KIF21A: variants seen among roughly 807,000 people sequenced by gnomAD.
KIF21A encodes kinesin family member 21A, also known as kinesin-like protein KIF21A.
In KIF21A, 114 loss-of-function variants were observed where a neutral mutation model predicts 202.9. The observed-to-expected ratio is 0.56, with a 90% CI of 0.48 to 0.66. The LOEUF is 0.66. Among genes scored for constraint, KIF21A ranks in the 30% least tolerant of loss-of-function variants. KIF21A has a pLI of 0.00. For missense variants in KIF21A, 1,677 were observed against 1,994.9 expected (o/e 0.84, Z 3.04); for synonymous variants, 667 against 670.8 (o/e 0.99, Z 0.09).
intron 31 of KIF21A, among the ~76,000 whole-genome samples, chr12:39,313,444 T>C (rs1944224685): frequency 6.6e-6 from 1 of 151,926 alleles, no homozygotes; most frequent in Non-Finnish European, 1.5e-5. Flanking sequence ...ACATTCACAA[T>C]ATATGTTGAC....
At chr12:39,355,045 C>A (rs11830643) in intron 10 of KIF21A, among the ~76,000 whole-genome samples, 50,977 of 151,912 alleles carry the variant, frequency 0.34, 10,692 homozygotes, top group African/African-American at 0.6. Context: ...TAATCCTGGC[C>A]TTCTAGAAGG....
chr12:39,364,873 A>C, intron 6 of KIF21A, among the ~76,000 whole-genome samples: 1 of 152,192 alleles, frequency 6.6e-6, no homozygotes. Context: ...GCCTTTGTAA[A>C]ACTAACAAAT....
chr12:39,401,129 A>G (rs1394847087), intron 1 of KIF21A, among the ~76,000 whole-genome samples: 1 of 152,232 alleles, frequency 6.6e-6, no homozygotes, highest in Non-Finnish European at 1.5e-5. Context: ...GAATACAGAC[A>G]TGTTCCTTTA....
intron 34 of KIF21A, among the ~76,000 whole-genome samples, chr12:39,306,424 G>A (rs1453058962): frequency 1.3e-5 from 2 of 151,988 alleles, no homozygotes; most frequent in African/African-American, 4.8e-5. Context: ...AAAAAGTACT[G>A]TTTTTAATTT....
At chr12:39,320,682 C>T (rs1945121593) in intron 27 of KIF21A, among the ~76,000 whole-genome samples, 1 of 149,872 alleles carries the variant, frequency 6.7e-6, no homozygotes, top group African/African-American at 2.4e-5. Flanking sequence ...CACCTGTAAT[C>T]CCAACACTTT....
chr12:39,356,019 G>A (rs1378074806), intron 10 of KIF21A, among the ~76,000 whole-genome samples: 1 of 152,020 alleles, frequency 6.6e-6, no homozygotes, highest in Non-Finnish European at 1.5e-5. Context: ...TTCTGCAAAT[G>A]GTAAGCAGAA....
chr12:39,365,248 T>C (rs1296684603), intron 6 of KIF21A, among the ~76,000 whole-genome samples: 2 of 152,238 alleles, frequency 1.3e-5, no homozygotes, highest in South Asian at 2.1e-4. Context: ...AACTCCAGTC[T>C]TCCATTTAGC....
chr12:39,296,243 G>T (rs140329490), intron 37 of KIF21A, among the ~76,000 whole-genome samples: 9,709 of 150,586 alleles, frequency 0.064, 1,024 homozygotes, highest in African/African-American at 0.22. Context: ...TAATTTTTTT[G>T]TATTTTTAGT....
intron 7 of KIF21A, among the ~76,000 whole-genome samples, chr12:39,359,654 A>T (rs1404352414): frequency 6.6e-6 from 1 of 152,200 alleles, no homozygotes. Flanking sequence ...TGCTGATTAG[A>T]GAATAGAGCA....
Position 39,318,249 on chromosome 12 carries a change from T to G in KIF21A, c.3780-48A>C, listed in dbSNP as rs764111619. 47 of 1,585,008 alleles carry G rather than the reference T, an allele frequency of 3.0e-5. No individual in the cohort carries two copies. The East Asian group carries it at 1.0e-3, about 35-fold the overall frequency. On this transcript the variant is annotated intron_variant, in intron 28 of 37. Coordinates refer to ENST00000361418, the MANE Select transcript of KIF21A (RefSeq NM_001173464.2). ...AGTAGGTGGCTTTAATTGGTTATGATTTGTTAGAAAAGTTATAAGAAACAT... is the reference window on the plus strand; with the variant it reads ...AGTAGGTGGCTTTAATTGGTTATGAGTTGTTAGAAAAGTTATAAGAAACAT...
intron 9 of KIF21A, 45 bp from the exon 10 acceptor site, chr12:39,356,940 C>G: frequency 1.1e-6 from 1 of 922,282 alleles, no homozygotes; most frequent in Admixed American, 1.9e-5. Flanking sequence ...TAAATTAAGA[C>G]TTCAACAAAA....
intron 1 of KIF21A, among the ~76,000 whole-genome samples, chr12:39,423,375 C>T (rs1379233500): frequency 6.6e-6 from 1 of 151,948 alleles, no homozygotes; most frequent in South Asian, 2.1e-4. Flanking sequence ...CTTCAAAACC[C>T]TTTATTGCTG....
chr12:39,325,808 A>G, intron 26 of KIF21A, 31 bp downstream of exon 26: 5 of 1,509,054 alleles, frequency 3.3e-6, no homozygotes, highest in Non-Finnish European at 3.7e-6. Flanking sequence ...GGTGTAAAAC[A>G]TGTTTACCTG....
At chr12:39,406,291 G>C (rs1952585157) in intron 1 of KIF21A, among the ~76,000 whole-genome samples, 1 of 152,096 alleles carries the variant, frequency 6.6e-6, no homozygotes, top group South Asian at 2.1e-4. Flanking sequence ...CTCCTTTGTG[G>C]GTAACTATAA....
intron 17 of KIF21A, among the ~76,000 whole-genome samples, chr12:39,335,410 CAAA>C (rs1033088626): frequency 4.8e-5 from 3 of 61,956 alleles, no homozygotes; most frequent in Non-Finnish European, 7.0e-5. Context: ...GACTCTGTCT[CAAA>C]AAAAAAAAAA....
At chr12:39,349,344 G>A (rs1180743705) in intron 11 of KIF21A, among the ~76,000 whole-genome samples, 1 of 152,064 alleles carries the variant, frequency 6.6e-6, no homozygotes, top group Non-Finnish European at 1.5e-5. Context: ...TCAGTCCAAA[G>A]TTTCAATTAA....
intron 27 of KIF21A, among the ~76,000 whole-genome samples, 168 bp from the exon 28 acceptor site, chr12:39,320,181 T>C (rs939697333): frequency 2.0e-5 from 3 of 152,190 alleles, no homozygotes; most frequent in Admixed American, 6.5e-5. Flanking sequence ...ATGAGTTATA[T>C]TTAGTTGATG....
chr12:39,352,041 C>T (rs897282555), intron 10 of KIF21A, 61 bp from the exon 11 acceptor site: 12 of 1,179,032 alleles, frequency 1.0e-5, no homozygotes, highest in Non-Finnish European at 1.4e-5. Flanking sequence ...AAATACATAA[C>T]ATAAAGTGTA....
At chr12:39,382,875 T>A (rs1950703942) in intron 1 of KIF21A, among the ~76,000 whole-genome samples, 1 of 151,696 alleles carries the variant, frequency 6.6e-6, no homozygotes, top group African/African-American at 2.4e-5. Context: ...TGCTTCAACC[T>A]TTTTTTTACA....
Sources: allele counts gnomAD v4.1 joint callset (sites outside exome capture counted in the v4.1 genomes callset), GRCh38; gene constraint gnomAD v4.1.1; transcripts MANE v1.5; gene names NCBI Gene and HGNC (gene_info 2026-07-23, HGNC 2026-07-21).